Variants in ALDH1L2 observed in about 807,000 individuals in gnomAD.
ALDH1L2 encodes aldehyde dehydrogenase 1 family member L2, also known as mitochondrial 10-formyltetrahydrofolate dehydrogenase.
In ALDH1L2, 91 loss-of-function variants were observed where a neutral mutation model predicts 111.0. That is an observed-to-expected ratio of 0.82 (90% CI 0.69 to 0.98). The LOEUF is 0.98. ALDH1L2 is among the 50% of genes least tolerant of loss of function. The pLI is 0.00. For synonymous variants in ALDH1L2, 374 were observed against 392.6 expected (o/e 0.95, Z 0.56); for missense variants, 995 against 1,126.8 (o/e 0.88, Z 1.67).
rs1159145670 is a variant in ALDH1L2, at chr12:105,035,839, ATGTG to A, written c.2146-1445_2146-1442del. ...ATATAGTGTGTCTATATATATATAT[ATGTG>A]TGTGTGTGTGTGTGTGTGTGTGTAT... On this transcript the variant is annotated intron_variant, in intron 18 of 22. Coordinates refer to ENST00000258494, the MANE Select transcript of ALDH1L2 (RefSeq NM_001034173.4). Among the ~76,000 whole-genome samples, 484 of 100,206 alleles carry A rather than the reference ATGTG, an allele frequency of 4.8e-3. 88 individuals are homozygous for A. The highest frequency in any genetic ancestry group is 0.022 in the African/African-American group (361 of 16,406). 65.7% of individuals were successfully genotyped at this position (100,206 alleles called of 152,430 possible).
chr12:105,022,827 C>G lies in ALDH1L2; in HGVS notation c.*1597G>C, dbSNP rs1309609459. ...TTGTTTAGTTTTTATTGATTCCCTA[C>G]AATCCCCTCATGTTATTCTGCCAAG... On this transcript the variant is annotated 3_prime_UTR_variant, in exon 23 of 23. Transcript: ENST00000258494. 1.3e-5 allele frequency: 2 copies of G among 152,208 alleles called. No individual in the cohort carries two copies. The highest frequency in any genetic ancestry group is 2.4e-5 in the African/African-American group (1 of 41,460). The allele number at this position is 152,208 out of a possible 1,614,324, so 9.4% of individuals were successfully genotyped here.
chr12:105,053,315 T>TGGC lies in ALDH1L2; in HGVS notation c.1288-385_1288-384insGCC, dbSNP rs527510120. 4.6e-3 allele frequency among the ~76,000 whole-genome samples: 699 copies of TGGC among 152,386 alleles called. 8 individuals are homozygous for TGGC. Among genetic ancestry groups the TGGC allele is most frequent in the Non-Finnish European group, 7.0e-3 (476 of 68,040 alleles). ...ATGCCTTTGTCAATAGGTTTCCTTT[T>TGGC]ACACTGGTGCCATTTTAAGTTTGCT... is the stretch of plus-strand genomic sequence containing the variant. On this transcript the variant is annotated intron_variant, in intron 10 of 22. Transcript: ENST00000258494.
chr12:105,046,209 ATATATATATATATTTTTTTTTTTT>A (rs1875875595), intron 15 of ALDH1L2, among the ~76,000 whole-genome samples: 4 of 52,784 alleles, frequency 7.6e-5, no homozygotes, highest in Non-Finnish European at 9.8e-5. Flanking sequence ...ATATATATAT[ATATATATATATATTTTTTTTTTTT>A]TTTTTTTTTT....
chr12:105,041,472 T>G (rs1875530746), intron 15 of ALDH1L2, among the ~76,000 whole-genome samples: 1 of 152,254 alleles, frequency 6.6e-6, no homozygotes, highest in Non-Finnish European at 1.5e-5. Context: ...TAGTTTTGAT[T>G]ATTTGGCAAA....
At chr12:105,084,301 C>T in intron 1 of ALDH1L2, 88 bp downstream of exon 1, 2 of 1,412,530 alleles carry the variant, frequency 1.4e-6, no homozygotes, top group South Asian at 1.4e-5. Flanking sequence ...GCTGCTCATC[C>T]CCAGCCCCAC....
chr12:105,064,114 C>CTTTTTTTTTTTTTTTTTT lies in ALDH1L2; in HGVS notation c.787-1110_787-1093dup, dbSNP rs71069786. Among the ~76,000 whole-genome samples, 12 of 35,124 alleles carry CTTTTTTTTTTTTTTTTTT rather than the reference C, an allele frequency of 3.4e-4. 2 individuals carry two copies. The highest frequency in any genetic ancestry group is 1.1e-3 in the East Asian group (1 of 898). The allele number at this position is 35,124 out of a possible 152,430, so 23.0% of individuals were successfully genotyped here. ...TACAGGCACATGCCACCACACCGAG[C>CTTTTTTTTTTTTTTTTTT]TTTTTTTTTTTTTTTTTTTTTTTTT... On this transcript the variant is annotated intron_variant, in intron 6 of 22. Coordinates refer to ENST00000258494, the MANE Select transcript of ALDH1L2 (RefSeq NM_001034173.4).
intron 12 of ALDH1L2, 99 bp from the exon 13 acceptor site, chr12:105,050,157 C>T (rs1338007011): frequency 3.7e-5 from 44 of 1,205,366 alleles, no homozygotes; most frequent in Non-Finnish European, 1.7e-5. Flanking sequence ...GAGGTAAACA[C>T]ATATGGATCA....
intron 10 of ALDH1L2, among the ~76,000 whole-genome samples, chr12:105,054,377 T>C (rs1179731634): frequency 1.3e-5 from 2 of 152,290 alleles, no homozygotes; most frequent in East Asian, 3.9e-4. Flanking sequence ...AAAAATCACT[T>C]CTCTCAGAAC....
At chr12:105,045,633 T>C (rs1290261442) in intron 15 of ALDH1L2, among the ~76,000 whole-genome samples, 1 of 152,144 alleles carries the variant, frequency 6.6e-6, no homozygotes, top group East Asian at 1.9e-4. Context: ...AGGGAGACAT[T>C]TCACTATCTA....
At chr12:105,047,085 C>T (rs10778364) in intron 13 of ALDH1L2, 116 bp from the exon 14 acceptor site, 638,780 of 1,125,642 alleles carry the variant, frequency 0.57, 186,305 homozygotes, top group African/African-American at 0.79. Context: ...ATGAAAAGAG[C>T]GTTTGTTGAT....
At chr12:105,051,833 G>A (rs539929965) in intron 12 of ALDH1L2, among the ~76,000 whole-genome samples, 1 of 142,166 alleles carries the variant, frequency 7.0e-6, no homozygotes, top group East Asian at 2.0e-4. Context: ...AGCACAGGCT[G>A]GAGTGCAGTG....
At chr12:105,076,775 T>G (rs561123245) in intron 1 of ALDH1L2, among the ~76,000 whole-genome samples, 66 of 152,352 alleles carry the variant, frequency 4.3e-4, no homozygotes, top group African/African-American at 1.5e-3. Context: ...CAAATAATGA[T>G]AATAGATATT....
rs769850693 is a variant in ALDH1L2, at chr12:105,030,444, C to G, written c.2411-15G>C. On this transcript the variant is annotated splice_polypyrimidine_tract_variant and intron_variant, in intron 20 of 22. Coordinates refer to ENST00000258494, the MANE Select transcript of ALDH1L2 (RefSeq NM_001034173.4). ...CATGAAAAAGCCTTTTTGGAAAAAA[C>G]AAAGAAAAAATGTCAACTGTAGGTT... 4.4e-6 allele frequency: 7 copies of G among 1,596,504 alleles called. No individual in the cohort carries two copies. Among genetic ancestry groups the G allele is most frequent in the Non-Finnish European group, 5.1e-6 (6 of 1,171,904 alleles).
chr12:105,056,117 A>C (rs929639184), intron 10 of ALDH1L2, among the ~76,000 whole-genome samples: 6 of 152,294 alleles, frequency 3.9e-5, no homozygotes, highest in African/African-American at 1.4e-4. Flanking sequence ...ACCTAGACAC[A>C]TCATAACAAA....
chr12:105,037,892 G>C (rs1037176630), intron 18 of ALDH1L2, among the ~76,000 whole-genome samples: 4 of 152,010 alleles, frequency 2.6e-5, no homozygotes, highest in Non-Finnish European at 4.4e-5. Flanking sequence ...AGCCTCCCGG[G>C]TAGCTGGGAC....
intron 1 of ALDH1L2, among the ~76,000 whole-genome samples, chr12:105,082,678 A>G (rs1176877330): frequency 1.3e-5 from 2 of 152,220 alleles, no homozygotes; most frequent in African/African-American, 4.8e-5. Context: ...ACAGGTTTCT[A>G]TGCGGGCAAA....
At chr12:105,032,544 C>T (rs1263137839) in intron 19 of ALDH1L2, among the ~76,000 whole-genome samples, 2 of 152,104 alleles carry the variant, frequency 1.3e-5, no homozygotes, top group East Asian at 1.9e-4. Flanking sequence ...CAGCTGCAAC[C>T]TCGAACTTCT....
chr12:105,064,046 G>T (rs1008271697), intron 6 of ALDH1L2, among the ~76,000 whole-genome samples: 7 of 140,612 alleles, frequency 5.0e-5, no homozygotes, highest in Admixed American at 1.5e-4. Context: ...TGCCTCCCGG[G>T]TTCAAATGAT....
At chr12:105,028,619 T>G (rs1039896301) in intron 21 of ALDH1L2, among the ~76,000 whole-genome samples, 1 of 152,230 alleles carries the variant, frequency 6.6e-6, no homozygotes, top group African/African-American at 2.4e-5. Context: ...TGGACTCTGC[T>G]AAAACTCTCA....
Sources: allele counts gnomAD v4.1 joint callset (sites outside exome capture counted in the v4.1 genomes callset), GRCh38; gene constraint gnomAD v4.1.1; transcripts MANE v1.5; gene names NCBI Gene and HGNC (gene_info 2026-07-23, HGNC 2026-07-21).